The following USP31 variants were observed in gnomAD, a reference collection of about 807,000 sequenced individuals.
USP31 encodes ubiquitin specific peptidase 31, also known as ubiquitin carboxyl-terminal hydrolase 31.
USP31 carries 44 observed loss-of-function variants against 119.4 expected under a neutral mutation model. The observed-to-expected ratio is 0.37, with a 90% CI of 0.29 to 0.47. The LOEUF (loss-of-function observed/expected upper bound fraction) is 0.47, where lower values mean the gene tolerates loss of function less well. USP31 is among the 20% of genes least tolerant of loss of function. The probability of loss-of-function intolerance (pLI) is 0.99; values close to 1 mark genes in which losing one functional copy is unlikely to be tolerated. For synonymous variants in USP31, 749 were observed against 705.6 expected, an observed-to-expected ratio of 1.06 and a Z score of -0.97; for missense variants, 1,643 against 1,730.2, an observed-to-expected ratio of 0.95 and a Z score of 0.89.
In USP31 at chr16:23,069,442, G is replaced by A; in HGVS notation, c.2663C>T (p.Pro888Leu). 1 of 1,614,186 alleles carries A rather than the reference G, an allele frequency of 6.2e-7. No individual in the cohort carries two copies. Among genetic ancestry groups the A allele is most frequent in the South Asian group, 1.1e-5 (1 of 91,076 alleles). The change falls in exon 16 of 16, where the codon CCA (proline) becomes CTA (leucine). Residue 888 changes from proline to leucine, a missense_variant. Physicochemically the swap from Pro to Leu is moderately conservative, Grantham distance 98. Coordinates refer to ENST00000219689, the MANE Select transcript of USP31 (RefSeq NM_020718.4). ...NSPSRFSGDSPIHSSASTLEK... is the reference protein window; with the variant it reads ...NSPSRFSGDSLIHSSASTLEK... ...CAAGGTGGAAGCAGAGCTGTGAATT[G>A]GCGAATCCCCTGAAAATCGGGATGG...
At chr16:23,085,152 A>C (rs895503682) in intron 10 of USP31, among the ~76,000 whole-genome samples, 163 bp from the exon 11 acceptor site, 1 of 152,204 alleles carries the variant, frequency 6.6e-6, no homozygotes, top group African/African-American at 2.4e-5. Context: ...ATATTCCAAA[A>C]TGTTCTTGAA....
chr16:23,072,399 C>A, intron 14 of USP31: 1 of 655,470 alleles, frequency 1.5e-6, no homozygotes, highest in Non-Finnish European at 2.6e-6. Flanking sequence ...GTAAGGCAGA[C>A]TTCCTGACGC....
chr16:23,089,431 G>A (rs1288973843), intron 7 of USP31, among the ~76,000 whole-genome samples: 3 of 152,208 alleles, frequency 2.0e-5, no homozygotes, highest in Non-Finnish European at 4.4e-5. Flanking sequence ...GAAGCTCCAT[G>A]AGGACACAGA....
intron 1 of USP31, among the ~76,000 whole-genome samples, chr16:23,142,562 C>G (rs1292029396): frequency 1.3e-5 from 2 of 152,192 alleles, no homozygotes; most frequent in Non-Finnish European, 2.9e-5. Flanking sequence ...TGCAGGGGTA[C>G]ACAGAGTTCA....
intron 10 of USP31, 64 bp downstream of exon 10, chr16:23,085,521 G>A: frequency 7.2e-7 from 1 of 1,379,576 alleles, no homozygotes; most frequent in South Asian, 1.2e-5. Context: ...ACATATCAAA[G>A]GTGTGCTATA....
Position 23,149,209 on chromosome 16 carries a change from C to A in USP31, c.62G>T (p.Arg21Leu). The A allele has an allele frequency of 1.6e-5, 18 of 1,147,508 alleles. No homozygotes were observed. Among genetic ancestry groups the A allele is most frequent in the Non-Finnish European group, 1.9e-5 (18 of 930,910 alleles). The allele number at this position is 1,147,508 out of a possible 1,614,324, so 71.1% of individuals were successfully genotyped here. ...CCGAAACAGCCGCTTGCTGAAGGAG[C>A]GCTTCTCCTTCCCGCTCGCCGCCGC... ...PPAAASGKEKRSFSKRLFRSG... is the reference protein window; with the variant it reads ...PPAAASGKEKLSFSKRLFRSG... Residue 21 changes from arginine to leucine, a missense_variant, in exon 1 of 16, where the codon CGC becomes CTC. Coordinates refer to ENST00000219689, the MANE Select transcript of USP31 (RefSeq NM_020718.4).
In USP31 at chr16:23,062,916, G is replaced by A. The variant is rs1201262777; in HGVS notation, c.*5130C>T. ...TCACTCCTGAGTAATTCAAATGGCAGTGATTCTCGCCATAATTCTCAGTAA... is the reference window on the plus strand; with the variant it reads ...TCACTCCTGAGTAATTCAAATGGCAATGATTCTCGCCATAATTCTCAGTAA... On this transcript the variant is annotated 3_prime_UTR_variant, in exon 16 of 16. Transcript: ENST00000219689. 2 of 152,736 alleles carry A rather than the reference G, an allele frequency of 1.3e-5. No individual in the cohort carries two copies. Among genetic ancestry groups the A allele is most frequent in the Non-Finnish European group, 1.5e-5 (1 of 68,034 alleles). 9.5% of individuals were successfully genotyped at this position (152,736 alleles called of 1,614,324 possible). A position where few individuals can be genotyped will look rare whatever the true frequency, so the allele number is the denominator to read the frequency against.
rs749080521 is a variant in USP31 at position 23,148,644 on chromosome 16, G to A, written c.627C>T (p.Asp209=). 5.4e-6 allele frequency: 8 copies of A among 1,483,240 alleles called. No homozygotes were observed. In the Admixed American group the frequency reaches 1.7e-4, roughly 32 times the overall value. The allele number at this position is 1,483,240 out of a possible 1,614,324, so 91.9% of individuals were successfully genotyped here. The change falls in exon 1 of 16, where the codon GAC becomes GAT. Residue 209 remains aspartate, a synonymous_variant. Transcript: ENST00000219689. ...CGGCGGCGCGCGGGCTCACCTTGAA[G>A]TCGCGGCTGTGCTGCGGGGTGTACT... The part of the protein sequence containing the change: ...TLEYTPQHSR[D]FKTIVSKNAL...
chr16:23,067,874 A>C lies in USP31; in HGVS notation c.*172T>G. On this transcript the variant is annotated 3_prime_UTR_variant, in exon 16 of 16. Coordinates refer to ENST00000219689, the MANE Select transcript of USP31 (RefSeq NM_020718.4). Reference sequence around the variant, plus strand: ...AATGGCAGAATAAGGCGACGCTTTGAACAATTTGCAATTGAATTAGACACA... The same window carrying C: ...AATGGCAGAATAAGGCGACGCTTTGCACAATTTGCAATTGAATTAGACACA... The C allele has an allele frequency of 2.4e-6, 2 of 840,194 alleles. No homozygotes were observed. Among genetic ancestry groups the C allele is most frequent in the Non-Finnish European group, 3.5e-6 (2 of 574,856 alleles). The allele number at this position is 840,194 out of a possible 1,614,324, so 52.0% of individuals were successfully genotyped here. A position where few individuals can be genotyped will look rare whatever the true frequency, so the allele number is the denominator to read the frequency against.
At chr16:23,104,883 A>C (rs759531947) in intron 5 of USP31, among the ~76,000 whole-genome samples, 1 of 152,256 alleles carries the variant, frequency 6.6e-6, no homozygotes, top group Non-Finnish European at 1.5e-5. Flanking sequence ...ATAACTGCTT[A>C]TCAAACATTT....
At position 23,068,227 on chromosome 16, in the gene USP31, A is replaced by G; in HGVS notation, c.3878T>C (p.Leu1293Pro). Residue 1293 changes from leucine to proline, a missense_variant, in exon 16 of 16, where the codon CTT becomes CCT. Leu to Pro is a moderately conservative substitution (Grantham distance 98, BLOSUM62 -3). Coordinates refer to ENST00000219689, the MANE Select transcript of USP31 (RefSeq NM_020718.4). ...GGCAGAAGCAGGGTCCTTGGTGACA[A>G]GCTGCTCTTTTCCCGTTGTATTTGC... ...PNANTTGKEQ[L>P]VTKDPASAKH... The G allele has an allele frequency of 6.2e-7, 1 of 1,614,146 alleles. No individual in the cohort carries two copies. Among genetic ancestry groups the G allele is most frequent in the Non-Finnish European group, 8.5e-7 (1 of 1,180,014 alleles).
At chr16:23,101,649 GATGCATTAATAACCACT>G (rs1901865907) in intron 6 of USP31, among the ~76,000 whole-genome samples, 2 of 152,122 alleles carry the variant, frequency 1.3e-5, no homozygotes, top group Non-Finnish European at 2.9e-5. Context: ...AGGTAATACT[GATGCATTAATAACCACT>G]GGGGTAGAGC....
chr16:23,068,028 A>G lies in USP31; in HGVS notation c.*18T>C, dbSNP rs185541020. 1.9e-6 allele frequency: 3 copies of G among 1,596,840 alleles called. No individual in the cohort carries two copies. In the Admixed American group the frequency reaches 5.2e-5, roughly 28 times the overall value. The stretch of plus-strand genomic sequence containing the variant: ...AAATAAACATCTTTACAGATAAAAC[A>G]CTTTGATTGCAGAAATATCACTGAG... On this transcript the variant is annotated 3_prime_UTR_variant, in exon 16 of 16. Transcript: ENST00000219689.
At chr16:23,134,132 A>C (rs1486109009) in intron 1 of USP31, among the ~76,000 whole-genome samples, 1 of 151,822 alleles carries the variant, frequency 6.6e-6, no homozygotes, top group Non-Finnish European at 1.5e-5. Flanking sequence ...CAAATCGAAC[A>C]GATTACTTTG....
chr16:23,108,200 AT>A lies in USP31; in HGVS notation c.634-18del, dbSNP rs1290310793. ...CACAATAGTCTATGCAGGTAAATAAATCACCATGAACAGCTGTGAGTTCCTG... is the reference window on the plus strand; with the variant it reads ...CACAATAGTCTATGCAGGTAAATAAACACCATGAACAGCTGTGAGTTCCTG... On this transcript the variant is annotated intron_variant, in intron 1 of 15. Coordinates refer to ENST00000219689, the MANE Select transcript of USP31 (RefSeq NM_020718.4). The A allele has an allele frequency of 6.3e-7, 1 of 1,595,076 alleles. No homozygotes were observed. Among genetic ancestry groups the A allele is most frequent in the Admixed American group, 1.8e-5 (1 of 56,208 alleles).
chr16:23,142,045 T>C (rs1348575887), intron 1 of USP31, among the ~76,000 whole-genome samples: 1 of 152,230 alleles, frequency 6.6e-6, no homozygotes, highest in Admixed American at 6.5e-5. Context: ...ATGAACCTAG[T>C]CCTATAACCT....
chr16:23,149,070 G>T lies in USP31; in HGVS notation c.201C>A (p.Arg67=). ...SARSVGSFMS[R]VLKTLSTLSH... is the part of the protein sequence containing the mutation. ...AGAGCGTGGACAGCGTCTTGAGAACGCGGCTCATGAAGCTGCCCACCGAGC... is the reference window on the plus strand; with the variant it reads ...AGAGCGTGGACAGCGTCTTGAGAACTCGGCTCATGAAGCTGCCCACCGAGC... Residue 67 remains arginine, a synonymous_variant, in exon 1 of 16, where the codon CGC becomes CGA. Coordinates refer to ENST00000219689, the MANE Select transcript of USP31 (RefSeq NM_020718.4). 1.6e-6 allele frequency: 2 copies of T among 1,268,004 alleles called. No homozygotes were observed. Among genetic ancestry groups the T allele is most frequent in the Non-Finnish European group, 2.0e-6 (2 of 982,486 alleles). 78.5% of individuals were successfully genotyped at this position (1,268,004 alleles called of 1,614,324 possible).
intron 1 of USP31, among the ~76,000 whole-genome samples, chr16:23,112,118 G>A (rs995795931): frequency 6.6e-6 from 1 of 152,106 alleles, no homozygotes. Context: ...TAGCAACAAA[G>A]TTTCAAATAC....
Position 23,149,242 on chromosome 16 carries a change from C to A in USP31, c.29G>T (p.Gly10Val). Residue 10 changes from glycine (G) to valine (V), a missense_variant, in exon 1 of 16, where the codon GGG (glycine) becomes GTG (valine). Physicochemically the swap from Gly to Val is moderately radical, Grantham distance 109 (BLOSUM62 -3). Transcript: ENST00000219689. MSKVTAPGS[G>V]PPAAASGKEK... is the part of the protein sequence containing the mutation. The stretch of plus-strand genomic sequence containing the variant: ...CTTCCCGCTCGCCGCCGCCGGCGGC[C>A]CGGACCCAGGCGCCGTTACCTTGGA... 8.9e-7 allele frequency: 1 copy of A among 1,119,448 alleles called. No individual in the cohort carries two copies. Among genetic ancestry groups the A allele is most frequent in the Non-Finnish European group, 1.1e-6 (1 of 915,796 alleles). The allele number at this position is 1,119,448 out of a possible 1,614,324, so 69.3% of individuals were successfully genotyped here. A position where few individuals can be genotyped will look rare whatever the true frequency, so the allele number is the denominator to read the frequency against.
Sources: gnomAD v4.1 joint callset for allele counts (sites outside exome capture counted in the v4.1 genomes callset) on GRCh38, gnomAD v4.1.1 for gene constraint, MANE v1.5 for transcripts, NCBI Gene and HGNC (gene_info 2026-07-23, HGNC 2026-07-21) for gene names.